OLA1: variants seen among roughly 807,000 people sequenced by gnomAD.
OLA1 encodes Obg like ATPase 1.
In OLA1, 14 loss-of-function variants were observed where a neutral mutation model predicts 48.4. That is an observed-to-expected ratio of 0.29 (90% CI 0.19 to 0.45). The LOEUF is 0.45. OLA1 is among the 20% of genes least tolerant of loss of function. The pLI is 1.00. For synonymous variants in OLA1, 127 were observed against 150.4 expected (o/e 0.84, Z 1.14); for missense variants, 325 against 467.1 (o/e 0.70, Z 2.80).
Position 174,075,312 on chromosome 2 carries a change from C to A in OLA1, c.*114G>T. The A allele has an allele frequency of 5.5e-6, 3 of 545,750 alleles. No individual in the cohort carries two copies. Among genetic ancestry groups the A allele is most frequent in the South Asian group, 2.3e-5 (1 of 43,116 alleles). The allele number at this position is 545,750 out of a possible 1,614,324, so 33.8% of individuals were successfully genotyped here. On this transcript the variant is annotated 3_prime_UTR_variant, in exon 11 of 11. Transcript: ENST00000284719. ...AAACAAATAAAAATAATTTGTTTGT[C>A]AAAGATTCCCATCTCCCCAACTTTA... is the stretch of plus-strand genomic sequence containing the variant.
rs148043685 is a variant in OLA1, at chr2:174,143,661, A to G, written c.374-1661T>C. Among the ~76,000 whole-genome samples the G allele has an allele frequency of 2.0e-5, 3 of 152,228 alleles. No homozygotes were observed. In the South Asian group the frequency reaches 6.2e-4, roughly 32 times the overall value. On this transcript the variant is annotated intron_variant, in intron 4 of 10. Coordinates refer to ENST00000284719, the MANE Select transcript of OLA1 (RefSeq NM_013341.5). ...TTCTTAATTACAACCCCCAATTTTA[A>G]CCAAGTGGATAATAGAGAGAAACTT... is the stretch of plus-strand genomic sequence containing the variant.
At chr2:174,168,112 C>A (rs1178227166) in intron 4 of OLA1, among the ~76,000 whole-genome samples, 1 of 152,128 alleles carries the variant, frequency 6.6e-6, no homozygotes, top group Non-Finnish European at 1.5e-5. Flanking sequence ...CCAAGTGTTG[C>A]CAACACAGGG....
At chr2:174,124,647 CTGT>C (rs553382431) in intron 5 of OLA1, among the ~76,000 whole-genome samples, 3 of 152,242 alleles carry the variant, frequency 2.0e-5, no homozygotes, top group Admixed American at 6.5e-5. Flanking sequence ...ATCTGGGTGT[CTGT>C]TGTTGTTGTT....
At chr2:174,133,222 G>T (rs918644726) in intron 5 of OLA1, among the ~76,000 whole-genome samples, 2 of 152,110 alleles carry the variant, frequency 1.3e-5, no homozygotes, top group East Asian at 3.8e-4. Flanking sequence ...TGGTTCGTTC[G>T]ATTTAAGATT....
chr2:174,231,266 G>A (rs116483507), intron 2 of OLA1, among the ~76,000 whole-genome samples: 290 of 152,240 alleles, frequency 1.9e-3, no homozygotes, highest in African/African-American at 6.6e-3. Context: ...TGAAAATATT[G>A]TATACCTACA....
At chr2:174,159,481 C>T (rs1686961712) in intron 4 of OLA1, among the ~76,000 whole-genome samples, 1 of 152,072 alleles carries the variant, frequency 6.6e-6, no homozygotes, top group Admixed American at 6.5e-5. Flanking sequence ...CATGCAACAC[C>T]ATACACATGT....
At position 174,081,968 on chromosome 2, in the gene OLA1, A is replaced by G. The variant is rs1490640520; in HGVS notation, c.825T>C (p.Ser275=). The change falls in exon 8 of 11, where the codon AGT becomes AGC. Residue 275 remains serine, a synonymous_variant. Coordinates refer to ENST00000284719, the MANE Select transcript of OLA1 (RefSeq NM_013341.5). The part of the protein sequence containing the change: ...GALELKLQEL[S]AEERQKYLEA... ...CCAGATACTTCTGTCTCTCCTCAGC[A>G]CTCAATTCTTGCAACTTGAGTTCCA... is the stretch of plus-strand genomic sequence containing the variant. The G allele has an allele frequency of 6.2e-7, 1 of 1,613,196 alleles. No homozygotes were observed. The highest frequency in any genetic ancestry group is 8.5e-7 in the Non-Finnish European group (1 of 1,179,522).
intron 2 of OLA1, among the ~76,000 whole-genome samples, chr2:174,243,039 C>G (rs919700889): frequency 6.6e-6 from 1 of 151,778 alleles, no homozygotes; most frequent in Non-Finnish European, 1.5e-5. Context: ...GATGGAGTCT[C>G]GCTCTGTCAC....
chr2:174,139,707 A>T (rs1483162534), intron 5 of OLA1, among the ~76,000 whole-genome samples: 1 of 152,088 alleles, frequency 6.6e-6, no homozygotes, highest in Non-Finnish European at 1.5e-5. Context: ...TCTACTAAAA[A>T]TACAAAAATT....
intron 4 of OLA1, among the ~76,000 whole-genome samples, chr2:174,202,020 T>A (rs1037491983): frequency 1.3e-5 from 2 of 152,192 alleles, no homozygotes; most frequent in African/African-American, 4.8e-5. Flanking sequence ...AACATATTTT[T>A]AAATTTTTGA....
intron 9 of OLA1, among the ~76,000 whole-genome samples, chr2:174,080,073 C>G (rs2105338562): frequency 6.6e-6 from 1 of 152,052 alleles, no homozygotes; most frequent in Middle Eastern, 3.4e-3. Context: ...TGTTTACCAA[C>G]TTGGATTTGC....
At chr2:174,144,941 A>ATATATATATAT (rs1188016243) in intron 4 of OLA1, among the ~76,000 whole-genome samples, 5 of 64,300 alleles carry the variant, frequency 7.8e-5, no homozygotes, top group African/African-American at 9.4e-5. Flanking sequence ...AAAAAAAAAA[A>ATATATATATAT]AAAAAAAAAA....
At chr2:174,226,835 C>T (rs896610786) in intron 3 of OLA1, among the ~76,000 whole-genome samples, 15 of 152,018 alleles carry the variant, frequency 9.9e-5, no homozygotes, top group African/African-American at 3.4e-4. Flanking sequence ...GCTGGTGGGG[C>T]TCGGCACAAA....
At chr2:174,232,459 T>C (rs1395841630) in intron 2 of OLA1, among the ~76,000 whole-genome samples, 1 of 151,938 alleles carries the variant, frequency 6.6e-6, no homozygotes, top group African/African-American at 2.4e-5. Flanking sequence ...CATGTATACA[T>C]GGGTGAGTAT....
At chr2:174,232,585 C>T (rs193294660) in intron 2 of OLA1, among the ~76,000 whole-genome samples, 2 of 152,162 alleles carry the variant, frequency 1.3e-5, no homozygotes, top group Admixed American at 6.5e-5. Context: ...TCCAAAGAGA[C>T]ACAAATGGCT....
rs1688543611 is a variant in OLA1, at chr2:174,223,128, A to G, written c.278T>C (p.Ile93Thr). The change falls in exon 4 of 11, where the codon ATT (isoleucine) becomes ACT (threonine). Residue 93 changes from isoleucine to threonine, a missense_variant. Transcript: ENST00000284719. Reference protein sequence around the residue: ...KIPAFLNVVDIAGLVKGAHNG... With the variant: ...KIPAFLNVVDTAGLVKGAHNG... The stretch of plus-strand genomic sequence containing the variant: ...GTGAGCTCCTTTCACAAGGCCAGCA[A>G]TATCCACCACATTTAGAAAGGCAGG... 6.2e-7 allele frequency: 1 copy of G among 1,614,008 alleles called. No individual in the cohort carries two copies. Among genetic ancestry groups the G allele is most frequent in the Non-Finnish European group, 8.5e-7 (1 of 1,179,888 alleles).
At chr2:174,163,711 A>AATAAATAAATAT (rs1687071145) in intron 4 of OLA1, among the ~76,000 whole-genome samples, 1 of 34,482 alleles carries the variant, frequency 2.9e-5, no homozygotes, top group East Asian at 1.1e-3. Context: ...TAAATAAATA[A>AATAAATAAATAT]ATATATATAT....
chr2:174,174,035 C>CAAAAAAAAAA (rs112671944), intron 4 of OLA1, among the ~76,000 whole-genome samples: 3 of 135,598 alleles, frequency 2.2e-5, no homozygotes, highest in Non-Finnish European at 3.3e-5. Context: ...CACACACACA[C>CAAAAAAAAAA]AAAAAAAAAA....
intron 7 of OLA1, among the ~76,000 whole-genome samples, chr2:174,091,247 A>T (rs1014366854): frequency 1.3e-5 from 2 of 152,210 alleles, no homozygotes; most frequent in African/African-American, 4.8e-5. Context: ...ACCTCTTCTG[A>T]GTTCTGTAAA....
Sources: allele counts gnomAD v4.1 joint callset (sites outside exome capture counted in the v4.1 genomes callset), GRCh38; gene constraint gnomAD v4.1.1; transcripts MANE v1.5; gene names NCBI Gene and HGNC (gene_info 2026-07-23, HGNC 2026-07-21).